Variants in NOL8 observed in about 807,000 individuals in gnomAD.
NOL8 encodes nucleolar protein 8, also known as nucleolar protein Nop132.
Under a neutral mutation model 116.1 loss-of-function variants are expected in NOL8, and 93 were observed. The ratio of observed to expected loss-of-function variants is 0.80; its 90% CI spans 0.68 to 0.95. NOL8 has a LOEUF of 0.95. Ranked by LOEUF, NOL8 falls within the 40% of genes least tolerant of loss-of-function variation. NOL8 has a pLI of 0.00. For missense variants in NOL8, 1,291 were observed against 1,382.8 expected, an observed-to-expected ratio of 0.93 and a Z score of 1.05; for synonymous variants, 419 against 469.0, an observed-to-expected ratio of 0.89 and a Z score of 1.38.
intron 4 of NOL8, chr9:92,320,309 A>G (rs1256485828): frequency 2.5e-5 from 10 of 406,904 alleles, no homozygotes; most frequent in Non-Finnish European, 4.9e-5. Context: ...AGATACTCCA[A>G]GCAGCAGCAC....
In NOL8 at chr9:92,316,077, G is replaced by T; in HGVS notation, c.548C>A (p.Ser183Ter). ...HNLKKIGEDFSNTIPISSLTW... is the reference protein window; with the variant it reads ...HNLKKIGEDF ...CAGGCTGGATATAGGAATGGTGTTT[G>T]AGAAATCCTCCCCTATCTTCTTCAG... The change falls in exon 7 of 17, where the codon TCA becomes TAA. Residue 183 changes from serine (S) to a stop codon, truncating the protein, a stop_gained. Coordinates refer to ENST00000442668, the MANE Select transcript of NOL8 (RefSeq NM_017948.6). LOFTEE classifies it high-confidence loss of function. 1 of 1,613,964 alleles carries T rather than the reference G, an allele frequency of 6.2e-7. No individual in the cohort carries two copies. Among genetic ancestry groups the T allele is most frequent in the South Asian group, 1.1e-5 (1 of 91,084 alleles).
chr9:92,310,841 G>C, intron 8 of NOL8, 166 bp from the exon 9 acceptor site: 2 of 697,846 alleles, frequency 2.9e-6, no homozygotes, highest in Non-Finnish European at 4.6e-6. Context: ...AAATCTAACT[G>C]GCCTCTGGGA....
rs985768391 is a variant in NOL8, at chr9:92,325,312, G to T, written c.-55C>A. The T allele has an allele frequency of 1.3e-5, 2 of 152,298 alleles. 1 individual carries two copies. Among genetic ancestry groups the T allele is most frequent in the Admixed American group, 1.3e-4 (2 of 15,258 alleles). The allele number at this position is 152,298 out of a possible 1,614,324, so 9.4% of individuals were successfully genotyped here. A position where few individuals can be genotyped will look rare whatever the true frequency, so the allele number is the denominator to read the frequency against. ...CCCGAAACCCACTCCTCACCACGTCGTTCACCTAAAGCCAGCGCCGCTGCA... is the reference window on the plus strand; with the variant it reads ...CCCGAAACCCACTCCTCACCACGTCTTTCACCTAAAGCCAGCGCCGCTGCA... On this transcript the variant is annotated 5_prime_UTR_variant, in exon 1 of 17. Coordinates refer to ENST00000442668, the MANE Select transcript of NOL8 (RefSeq NM_017948.6).
intron 12 of NOL8, among the ~76,000 whole-genome samples, chr9:92,303,625 A>G (rs1837954227): frequency 6.6e-6 from 1 of 152,138 alleles, no homozygotes; most frequent in Admixed American, 6.6e-5. Context: ...CTTTGTTAAG[A>G]CCCTAAAAAG....
chr9:92,306,980 C>T lies in NOL8; in HGVS notation c.2731G>A (p.Glu911Lys). The change falls in exon 11 of 17, where the codon GAA becomes AAA. Residue 911 changes from glutamate (E) to lysine (K), a missense_variant. Physicochemically the swap from Glu to Lys is moderately conservative, Grantham distance 56. Coordinates refer to ENST00000442668, the MANE Select transcript of NOL8 (RefSeq NM_017948.6). ...KTAEEEELAE[E>K]KKKALNVVQS... is the part of the protein sequence containing the mutation. The stretch of plus-strand genomic sequence containing the variant: ...ACAACATTCAGGGCTTTCTTTTTTT[C>T]TTCAGCAAGCTCTTCTTCCTCAGCA... The T allele has an allele frequency of 6.2e-7, 1 of 1,612,600 alleles. No individual in the cohort carries two copies. The highest frequency in any genetic ancestry group is 8.5e-7 in the Non-Finnish European group (1 of 1,179,534).
chr9:92,319,118 G>A, intron 5 of NOL8, 103 bp downstream of exon 5: 1 of 1,291,798 alleles, frequency 7.7e-7, no homozygotes, highest in Non-Finnish European at 1.0e-6. Context: ...TCCAAGAAAG[G>A]GGAAAAGAGT....
At position 92,305,819 on chromosome 9, in the gene NOL8, T is replaced by C. The variant is rs745427830; in HGVS notation, c.2837A>G (p.His946Arg). 4.3e-6 allele frequency: 7 copies of C among 1,611,364 alleles called. No homozygotes were observed. In the South Asian group the frequency reaches 6.6e-5, roughly 15 times the overall value. ...ATGGTCTTGCTTCGTTGGATCATAA[T>C]GTATGATGTCCCTATGTAAAAAAAG... ...VAAKKFKDII[H>R]YDPTKQDHAT... The change falls in exon 12 of 17, where the codon CAT (histidine) becomes CGT (arginine). Residue 946 changes from histidine (H) to arginine (R), a missense_variant. Physicochemically the swap from His to Arg is conservative, Grantham distance 29 (BLOSUM62 0). Transcript: ENST00000442668.
chr9:92,300,847 A>G, intron 13 of NOL8: 1 of 1,084,250 alleles, frequency 9.2e-7, no homozygotes, highest in Non-Finnish European at 1.1e-6. Context: ...TAATCTACCA[A>G]ACACATGTAT....
chr9:92,311,078 G>T, intron 8 of NOL8, 68 bp downstream of exon 8: 1 of 1,241,644 alleles, frequency 8.1e-7, no homozygotes, highest in Non-Finnish European at 1.2e-6. Context: ...TGTTGAGATT[G>T]CCAGTTGTTT....
Position 92,298,913 on chromosome 9 carries a change from A to C in NOL8, c.3344T>G (p.Phe1115Cys). Residue 1115 changes from phenylalanine to cysteine, a missense_variant, in exon 15 of 17, where the codon TTT becomes TGT. By Grantham distance (205) the Phe-to-Cys change is radical. Transcript: ENST00000442668. ...LLEKETTRFFFFSKNDERLQG... is the reference protein window; with the variant it reads ...LLEKETTRFFCFSKNDERLQG... ...AAGTCGTTCATCATTCTTAGAGAAA[A>C]AGAAAAATCTAGTGGTCTCTTTCTC... The C allele has an allele frequency of 2.6e-6, 4 of 1,539,276 alleles. No homozygotes were observed. In the South Asian group the frequency reaches 3.7e-5, roughly 14 times the overall value.
intron 12 of NOL8, among the ~76,000 whole-genome samples, chr9:92,302,739 T>C (rs995360931): frequency 2.0e-5 from 3 of 152,242 alleles, no homozygotes; most frequent in African/African-American, 7.2e-5. Context: ...GAGTGTGAGC[T>C]GGACTTAGTG....
In NOL8 at chr9:92,301,825, G is replaced by A. The variant is rs1377548185; in HGVS notation, c.2904-3C>T. Reference sequence around the variant, plus strand: ...TTTTCTTTTTTCGTTTTGCTTTACTGAAATGACATATGTAGACATGTGCAT... The same window carrying A: ...TTTTCTTTTTTCGTTTTGCTTTACTAAAATGACATATGTAGACATGTGCAT... On this transcript the variant is annotated splice_region_variant and splice_polypyrimidine_tract_variant and intron_variant, in intron 12 of 16. Transcript: ENST00000442668. 1 of 1,575,772 alleles carries A rather than the reference G, an allele frequency of 6.3e-7. No individual in the cohort carries two copies.
rs1310475108 is a variant in NOL8, at chr9:92,314,286, T to C, written c.2339A>G (p.His780Arg). ...ACTCACCAAATTTGCCAGAGCATTA[T>C]GCACCAGCTTCTTCTGCACTTCTTT... ...KAKEVQKKLVHNALANLDGHP... is the reference protein window; with the variant it reads ...KAKEVQKKLVRNALANLDGHP... Residue 780 changes from histidine (H) to arginine (R), a missense_variant, in exon 7 of 17, where the codon CAT becomes CGT. Transcript: ENST00000442668. 1.3e-6 allele frequency: 2 copies of C among 1,584,012 alleles called. No individual in the cohort carries two copies. Among genetic ancestry groups the C allele is most frequent in the East Asian group, 2.3e-5 (1 of 44,368 alleles).
In NOL8 at chr9:92,319,335, T is replaced by C. The variant is rs377607398; in HGVS notation, c.303A>G (p.Ala101=). The change falls in exon 5 of 17, where the codon GCA becomes GCG. Residue 101 remains alanine, a synonymous_variant. Coordinates refer to ENST00000442668, the MANE Select transcript of NOL8 (RefSeq NM_017948.6). ...TTGATTCTTCTTTCTTAGCTTTTGC[T>C]GCTTCTCTCTCTTGGGCCAATCTGA... The part of the protein sequence containing the change: ...FLHRLAQERE[A]AKAKKEESTT... The C allele has an allele frequency of 6.3e-7, 1 of 1,591,202 alleles. No individual in the cohort carries two copies. Among genetic ancestry groups the C allele is most frequent in the Non-Finnish European group, 8.5e-7 (1 of 1,171,846 alleles).
chr9:92,310,405 CAG>C, intron 9 of NOL8, 144 bp from the exon 10 acceptor site: 2 of 1,160,270 alleles, frequency 1.7e-6, no homozygotes, highest in South Asian at 2.9e-5. Flanking sequence ...ATGAACCAAT[CAG>C]AGAGGATCAC....
chr9:92,318,629 G>A lies in NOL8; in HGVS notation c.475C>T (p.His159Tyr). ...AGGCCAAAGGATATTTTACGTTTAT[G>A]TTGATTTTTAAGGTGAAGAACAGGT... ...VLPVLHLKNQ[H>Y]KRKIIKYDPS... The change falls in exon 6 of 17, where the codon CAT becomes TAT. Residue 159 changes from histidine to tyrosine, a missense_variant. His to Tyr is a moderately conservative substitution (Grantham distance 83). Coordinates refer to ENST00000442668, the MANE Select transcript of NOL8 (RefSeq NM_017948.6). 6.2e-7 allele frequency: 1 copy of A among 1,600,386 alleles called. No individual in the cohort carries two copies.
At chr9:92,305,480 C>T (rs192098028) in intron 12 of NOL8, among the ~76,000 whole-genome samples, 93 of 152,154 alleles carry the variant, frequency 6.1e-4, no homozygotes, top group Non-Finnish European at 1.2e-3. Flanking sequence ...ACAGAAGACA[C>T]AAGAAACTAG....
rs750294867 is a variant in NOL8 at position 92,315,592 on chromosome 9, C to A, written c.1033G>T (p.Val345Phe). ...CCTATTAAAGAATGCAGTTTGTGAA[C>A]GCCTGATTTGAAATCATCCCTTACA... ...EVVRDDFKSG[V>F]HKLHSLIGLG... The change falls in exon 7 of 17, where the codon GTT becomes TTT. Residue 345 changes from valine to phenylalanine, a missense_variant. By Grantham distance (50) the Val-to-Phe change is conservative. Transcript: ENST00000442668. 1 of 1,612,894 alleles carries A rather than the reference C, an allele frequency of 6.2e-7. No individual in the cohort carries two copies. Among genetic ancestry groups the A allele is most frequent in the South Asian group, 1.1e-5 (1 of 90,948 alleles).
Position 92,314,721 on chromosome 9 carries a change from T to G in NOL8, c.1904A>C (p.Lys635Thr), listed in dbSNP as rs748121722. The G allele has an allele frequency of 1.4e-5, 23 of 1,613,862 alleles. 1 individual carries two copies. The African/African-American group carries it at 1.5e-4, about 10-fold the overall frequency. The part of the protein sequence containing the change: ...GEVTPCQHAK[K>T]ANGPNYIQPQ... ...CTGAATATAGTTTGGGCCATTCGCC[T>G]TCTTTGCATGTTGGCATGGAGTCAC... Residue 635 changes from lysine to threonine, a missense_variant, in exon 7 of 17, where the codon AAG (lysine) becomes ACG (threonine). Coordinates refer to ENST00000442668, the MANE Select transcript of NOL8 (RefSeq NM_017948.6).
Sources: allele counts gnomAD v4.1 joint callset (sites outside exome capture counted in the v4.1 genomes callset), GRCh38; gene constraint gnomAD v4.1.1; transcripts MANE v1.5; gene names NCBI Gene and HGNC (gene_info 2026-07-23, HGNC 2026-07-21).